The following ADGRG6 variants were observed in gnomAD, a reference collection of about 807,000 sequenced individuals.
ADGRG6 encodes the protein adhesion G protein-coupled receptor G6.
Under a neutral mutation model 142.4 loss-of-function variants are expected in ADGRG6, and 84 were observed. The observed-to-expected ratio is 0.59, with a 90% CI of 0.49 to 0.71. The LOEUF is 0.71. ADGRG6 is among the 30% of genes least tolerant of loss of function. The pLI, the probability that ADGRG6 is intolerant of heterozygous loss-of-function variation, is 0.00. For synonymous variants in ADGRG6, 521 were observed against 520.5 expected (o/e 1.00, Z -0.01); for missense variants, 1,367 against 1,466.6 (o/e 0.93, Z 1.11).
intron 2 of ADGRG6, among the ~76,000 whole-genome samples, chr6:142,361,181 G>A (rs1000647205): frequency 6.6e-6 from 1 of 152,194 alleles, no homozygotes; most frequent in Admixed American, 6.5e-5. Context: ...GTATAAAGAT[G>A]ACAGCAAGAG....
At chr6:142,416,374 T>C (rs577878217) in intron 20 of ADGRG6, among the ~76,000 whole-genome samples, 1 of 152,296 alleles carries the variant, frequency 6.6e-6, no homozygotes, top group South Asian at 2.1e-4. Flanking sequence ...CAGGCAGTGA[T>C]GTCTTTTCCA....
In ADGRG6 at chr6:142,319,836, G is replaced by T. The variant is rs574116697; in HGVS notation, c.103+10192G>T. Among the ~76,000 whole-genome samples the T allele has an allele frequency of 8.3e-4, 126 of 152,158 alleles. 2 individuals are homozygous for T. The highest frequency in any genetic ancestry group is 2.9e-3 in the African/African-American group (120 of 41,534). ...TATGTTTGAAAGCATCTTGAATTGG[G>T]AACTTTGGGCTAATTTAAGTTTAAA... On this transcript the variant is annotated intron_variant, in intron 2 of 24. Transcript: ENST00000367609.
intron 6 of ADGRG6, among the ~76,000 whole-genome samples, chr6:142,385,316 C>A (rs894122806): frequency 6.6e-6 from 1 of 152,054 alleles, no homozygotes; most frequent in Admixed American, 6.6e-5. Context: ...CTGTCTTGAC[C>A]ACATTAATGA....
rs767649565 is a variant in ADGRG6 at position 142,419,944 on chromosome 6, G to C, written c.3159G>C (p.Lys1053Asn). 2 of 1,613,446 alleles carry C rather than the reference G, an allele frequency of 1.2e-6. No individual in the cohort carries two copies. The highest frequency in any genetic ancestry group is 1.7e-5 in the Admixed American group (1 of 59,948). Residue 1053 changes from lysine to asparagine, a missense_variant, in exon 22 of 25, where the codon AAG becomes AAC. Physicochemically the swap from Lys to Asn is moderately conservative, Grantham distance 94 (BLOSUM62 0). This residue lies in a region of ADGRG6 where 344 missense variants were observed against 348.7 expected (regional missense o/e 0.99). Transcript: ENST00000367609. ...VMVQICGRNGKRSNRTLREEV... is the reference protein window; with the variant it reads ...VMVQICGRNGNRSNRTLREEV... Reference sequence around the variant, plus strand: ...TGCAGATCTGTGGGAGGAATGGCAAGAGAAGCAACCGGACCCTGAGAGAAG... The same window carrying C: ...TGCAGATCTGTGGGAGGAATGGCAACAGAAGCAACCGGACCCTGAGAGAAG...
intron 2 of ADGRG6, among the ~76,000 whole-genome samples, chr6:142,314,017 A>C (rs1277768821): frequency 2.6e-5 from 4 of 152,192 alleles, no homozygotes; most frequent in Admixed American, 6.5e-5. Flanking sequence ...CTCAGAATCA[A>C]AGTGCTCCAA....
chr6:142,416,449 A>G (rs1036352808), intron 20 of ADGRG6, among the ~76,000 whole-genome samples: 5 of 152,168 alleles, frequency 3.3e-5, no homozygotes, highest in African/African-American at 2.4e-5. Flanking sequence ...ACACATGCCT[A>G]TGTCTTGGAA....
intron 14 of ADGRG6, 69 bp downstream of exon 14, chr6:142,404,042 G>T: frequency 8.6e-7 from 1 of 1,162,408 alleles, no homozygotes; most frequent in Non-Finnish European, 1.3e-6. Context: ...TGATCACTTA[G>T]CAGTTGCTGC....
chr6:142,379,721 C>T (rs1213298834), intron 4 of ADGRG6, among the ~76,000 whole-genome samples: 1 of 152,184 alleles, frequency 6.6e-6, no homozygotes, highest in Non-Finnish European at 1.5e-5. Flanking sequence ...GAGCCAAGAT[C>T]ATGCCACTGC....
intron 3 of ADGRG6, among the ~76,000 whole-genome samples, chr6:142,369,313 C>T (rs539756335): frequency 6.6e-6 from 1 of 152,276 alleles, no homozygotes; most frequent in South Asian, 2.1e-4. Context: ...ACGTCTATTA[C>T]AATAATAGTA....
intron 1 of ADGRG6, among the ~76,000 whole-genome samples, chr6:142,305,417 G>A (rs1186455367): frequency 3.7e-5 from 4 of 108,284 alleles, no homozygotes; most frequent in Non-Finnish European, 7.0e-5. Context: ...CCCCCCCCAC[G>A]AGCCCCTCCT....
Position 142,402,636 on chromosome 6 carries a change from T to C in ADGRG6, c.1761T>C (p.Val587=). 1 of 1,589,574 alleles carries C rather than the reference T, an allele frequency of 6.3e-7. No individual in the cohort carries two copies. The highest frequency in any genetic ancestry group is 1.1e-5 in the South Asian group (1 of 89,000). The change falls in exon 13 of 25, where the codon GTT becomes GTC. Residue 587 remains valine (V), a synonymous_variant. Coordinates refer to ENST00000367609, the MANE Select transcript of ADGRG6 (RefSeq NM_198569.3). ...TTGTTTTAGAAGAAGCAAATGAAGT[T>C]GCTAACCAGATTTTAAATTTAACTG... ...ISNCLKEANE[V]ANQILNLTAD...
chr6:142,376,026 C>A (rs143668497), intron 4 of ADGRG6, among the ~76,000 whole-genome samples: 1,806 of 152,102 alleles, frequency 0.012, 39 homozygotes, highest in African/African-American at 0.041. Context: ...CATGGTTAAA[C>A]CTGTCAATAC....
intron 24 of ADGRG6, among the ~76,000 whole-genome samples, chr6:142,438,581 T>C (rs1417354320): frequency 2.0e-5 from 3 of 152,236 alleles, no homozygotes; most frequent in Non-Finnish European, 4.4e-5. Context: ...ACCATAATAA[T>C]TCACTCTGTA....
At chr6:142,368,082 A>G (rs1050897386) in intron 3 of ADGRG6, among the ~76,000 whole-genome samples, 172 bp downstream of exon 3, 3 of 152,244 alleles carry the variant, frequency 2.0e-5, no homozygotes, top group Non-Finnish European at 2.9e-5. Flanking sequence ...TTAGCAAAAT[A>G]TAATTACCAG....
In ADGRG6 at chr6:142,419,999, A is replaced by T; in HGVS notation, c.3214A>T (p.Ser1072Cys). ...EVLRNLRSVV[S>C]LTFLLGMTWG... The stretch of plus-strand genomic sequence containing the variant: ...GTTAAGGAACCTGCGCAGTGTGGTT[A>T]GCTTGACCTTTCTGTTGGGCATGAC... Residue 1072 changes from serine (S) to cysteine (C), a missense_variant, in exon 22 of 25, where the codon AGC (serine) becomes TGC (cysteine). Ser to Cys is a moderately radical substitution (Grantham distance 112, BLOSUM62 -1). Transcript: ENST00000367609. 6.2e-7 allele frequency: 1 copy of T among 1,613,662 alleles called. No homozygotes were observed. The highest frequency in any genetic ancestry group is 8.5e-7 in the Non-Finnish European group (1 of 1,179,640).
intron 2 of ADGRG6, among the ~76,000 whole-genome samples, chr6:142,346,195 A>C (rs1490784930): frequency 6.6e-6 from 1 of 152,174 alleles, no homozygotes. Context: ...CTTTGAACCC[A>C]CTGTAAGAGT....
intron 6 of ADGRG6, among the ~76,000 whole-genome samples, chr6:142,386,282 A>G (rs9389990): frequency 0.086 from 13,160 of 152,240 alleles, 663 homozygotes; most frequent in East Asian, 0.26. Context: ...AATAACATGT[A>G]ATGAAACCAA....
In ADGRG6 at chr6:142,408,159, C is replaced by T. The variant is rs1291665252; in HGVS notation, c.2278C>T (p.Pro760Ser). Residue 760 changes from proline to serine, a missense_variant, in exon 16 of 25, where the codon CCC (proline) becomes TCC (serine). Pro to Ser is a moderately conservative substitution (Grantham distance 74, BLOSUM62 -1). Transcript: ENST00000367609. ...TTTTTTTCTTTAAAAGGATGTAGGA[C>T]CCCAAAGAAAAACTTTAGTGAGTTA... Reference protein sequence around the residue: ...NKTGLFQDVGPQRKTLVSYVM... With the variant: ...NKTGLFQDVGSQRKTLVSYVM... 4 of 1,578,012 alleles carry T rather than the reference C, an allele frequency of 2.5e-6. No homozygotes were observed. The South Asian group carries it at 4.7e-5, about 19-fold the overall frequency.
chr6:142,366,256 A>G (rs1780936741), intron 2 of ADGRG6, among the ~76,000 whole-genome samples: 1 of 152,210 alleles, frequency 6.6e-6, no homozygotes, highest in African/African-American at 2.4e-5. Flanking sequence ...CATTCAATTA[A>G]CATTTATTGT....
Sources: gnomAD v4.1 joint callset for allele counts (sites outside exome capture counted in the v4.1 genomes callset) on GRCh38, gnomAD v4.1.1 for gene constraint, gnomAD v4.1.1 regional missense constraint, MANE v1.5 for transcripts, NCBI Gene and HGNC (gene_info 2026-07-23, HGNC 2026-07-21) for gene names.